The following DNAH6 variants were observed in gnomAD, a reference collection of about 807,000 sequenced individuals.
DNAH6 encodes axonemal beta dynein heavy chain 6.
Under a neutral mutation model 491.4 loss-of-function variants are expected in DNAH6, and 340 were observed. The observed-to-expected ratio is 0.69, with a 90% CI of 0.63 to 0.76. The LOEUF (loss-of-function observed/expected upper bound fraction) is 0.76, where lower values mean the gene tolerates loss of function less well. Among genes scored for constraint, DNAH6 ranks in the 30% least tolerant of loss-of-function variants. The pLI is 0.00. For synonymous variants in DNAH6, 1,603 were observed against 1,686.1 expected, an observed-to-expected ratio of 0.95 and a Z score of 1.21; for missense variants, 4,443 against 4,972.2, an observed-to-expected ratio of 0.89 and a Z score of 3.20.
chr2:84,689,023 A>G (rs185392842), intron 45 of DNAH6, among the ~76,000 whole-genome samples: 95 of 152,306 alleles, frequency 6.2e-4, no homozygotes, highest in African/African-American at 2.1e-3. Context: ...CAAGTGTCCT[A>G]TGAGGGACAA....
the DNAH6 span, among the ~76,000 whole-genome samples, chr2:84,462,477 A>T: frequency 6.6e-6 from 1 of 152,220 alleles, no homozygotes; most frequent in Non-Finnish European, 1.5e-5. Flanking sequence ...TCACGAGTGC[A>T]TCCTTAACCT....
In DNAH6 at chr2:84,685,392, A is replaced by C; in HGVS notation, c.6983A>C (p.Glu2328Ala). The C allele has an allele frequency of 1.3e-6, 2 of 1,531,608 alleles. No homozygotes were observed. Among genetic ancestry groups the C allele is most frequent in the Non-Finnish European group, 1.8e-6 (2 of 1,133,872 alleles). The allele number at this position is 1,531,608 out of a possible 1,614,324, so 94.9% of individuals were successfully genotyped here. A position where few individuals can be genotyped will look rare whatever the true frequency, so the allele number is the denominator to read the frequency against. Reference protein sequence around the residue: ...EIQIFRLFCHECQRVFHDRLI... With the variant: ...EIQIFRLFCHACQRVFHDRLI... ...CAGATATTTAGACTCTTTTGCCATG[A>C]GTGCCAAAGGGTCTTCCATGATCGC... The change falls in exon 43 of 77, where the codon GAG becomes GCG. Residue 2328 changes from glutamate (E) to alanine (A), a missense_variant. Glu to Ala is a moderately radical substitution (Grantham distance 107, BLOSUM62 -1). Transcript: ENST00000389394.
At chr2:84,482,560 C>T in the DNAH6 span, among the ~76,000 whole-genome samples, 1 of 152,216 alleles carries the variant, frequency 6.6e-6, no homozygotes, top group Non-Finnish European at 1.5e-5. Flanking sequence ...CTTCCTGCAG[C>T]CTTAAGACAG....
chr2:84,600,831 G>T (rs368406971), intron 18 of DNAH6, among the ~76,000 whole-genome samples: 1 of 151,502 alleles, frequency 6.6e-6, no homozygotes, highest in African/African-American at 2.4e-5. Context: ...AAGTTACTAC[G>T]CACAGCCATA....
the DNAH6 span, among the ~76,000 whole-genome samples, chr2:84,509,598 T>G: frequency 6.6e-6 from 1 of 152,244 alleles, no homozygotes; most frequent in Admixed American, 6.5e-5. Context: ...TTGTTATGTG[T>G]GAATTTGATC....
intron 11 of DNAH6, among the ~76,000 whole-genome samples, chr2:84,572,219 T>G (rs1681967922): frequency 6.6e-6 from 1 of 152,158 alleles, no homozygotes; most frequent in South Asian, 2.1e-4. Context: ...TCCCAAATGG[T>G]TCAGAGTATA....
chr2:84,479,970 G>A, the DNAH6 span, among the ~76,000 whole-genome samples: 1 of 152,212 alleles, frequency 6.6e-6, no homozygotes, highest in Non-Finnish European at 1.5e-5. Context: ...ATTAGTGAGA[G>A]TGCTGGGCTT....
At chr2:84,817,021 T>G (rs866866692) in intron 76 of DNAH6, among the ~76,000 whole-genome samples, 2 of 152,224 alleles carry the variant, frequency 1.3e-5, no homozygotes, top group Middle Eastern at 3.4e-3. Flanking sequence ...AGAGAGAATG[T>G]TTGAAAAAAT....
intron 35 of DNAH6, among the ~76,000 whole-genome samples, chr2:84,657,484 G>T (rs966055694): frequency 3.3e-5 from 5 of 151,894 alleles, no homozygotes; most frequent in Non-Finnish European, 7.4e-5. Context: ...CATTTATTTA[G>T]TAGTTCTTTA....
rs115509711 is a variant in DNAH6 at position 84,527,118 on chromosome 2, A to G, written c.399+1380A>G. Among the ~76,000 whole-genome samples, 83 of 152,282 alleles carry G rather than the reference A, an allele frequency of 5.5e-4. 1 individual carries two copies. Among genetic ancestry groups the G allele is most frequent in the Non-Finnish European group, 9.0e-4 (61 of 68,014 alleles). ...ATTGATTTATCTGAATGAGTTTCAA[A>G]TAGAAATGCAACAAGGAGGATTTCC... On this transcript the variant is annotated intron_variant, in intron 3 of 76. Transcript: ENST00000389394.
the DNAH6 span, among the ~76,000 whole-genome samples, chr2:84,500,426 A>G: frequency 6.6e-6 from 1 of 152,188 alleles, no homozygotes; most frequent in Non-Finnish European, 1.5e-5. Context: ...TGTTATGGTT[A>G]CTATAGCTCT....
At chr2:84,476,046 G>A in the DNAH6 span, among the ~76,000 whole-genome samples, 64 of 152,258 alleles carry the variant, frequency 4.2e-4, no homozygotes, top group African/African-American at 1.4e-3. Flanking sequence ...TTTGAGCTTC[G>A]TCAGCCCACC....
chr2:84,729,802 AT>A lies in DNAH6; in HGVS notation c.10206+1901del, dbSNP rs201461675. Among the ~76,000 whole-genome samples the A allele has an allele frequency of 9.9e-3, 1,512 of 152,290 alleles. 25 individuals carry two copies. Among genetic ancestry groups the A allele is most frequent in the African/African-American group, 0.034 (1,417 of 41,554 alleles). On this transcript the variant is annotated intron_variant, in intron 61 of 76. Coordinates refer to ENST00000389394, the MANE Select transcript of DNAH6 (RefSeq NM_001370.2). ...GAAATGTATTTGGGGTGTATTTTAT[AT>A]GGTCACTTCATTTAATATTTTGACA...
chr2:84,646,960 G>C (rs1014119281), intron 33 of DNAH6, among the ~76,000 whole-genome samples: 1 of 152,146 alleles, frequency 6.6e-6, no homozygotes, highest in African/African-American at 2.4e-5. Context: ...CAATTCTCCT[G>C]CCTCAGCCTC....
At position 84,802,511 on chromosome 2, in the gene DNAH6, A is replaced by G. The variant is rs577543463; in HGVS notation, c.11482-3154A>G. ...CAATTCAAGAAGATTTGATGATCCT[A>G]AATATATATGCTCCCAACATTGGAG... On this transcript the variant is annotated intron_variant, in intron 70 of 76. Transcript: ENST00000389394. 2.6e-5 allele frequency among the ~76,000 whole-genome samples: 4 copies of G among 152,350 alleles called. No individual in the cohort carries two copies. In the East Asian group the frequency reaches 5.8e-4, roughly 22 times the overall value.
At chr2:84,732,398 C>T (rs1699198622) in intron 61 of DNAH6, among the ~76,000 whole-genome samples, 1 of 152,086 alleles carries the variant, frequency 6.6e-6, no homozygotes, top group African/African-American at 2.4e-5. Flanking sequence ...AGTCCATCAA[C>T]TGATAGATAA....
intron 18 of DNAH6, among the ~76,000 whole-genome samples, chr2:84,596,054 AG>A (rs1430559534): frequency 1.3e-5 from 2 of 152,196 alleles, no homozygotes; most frequent in African/African-American, 4.8e-5. Context: ...AATAGGTTGT[AG>A]TTATGCTAAG....
At chr2:84,533,312 C>A (rs971017386) in intron 4 of DNAH6, among the ~76,000 whole-genome samples, 1 of 151,950 alleles carries the variant, frequency 6.6e-6, no homozygotes, top group Non-Finnish European at 1.5e-5. Context: ...GATTTTATTT[C>A]AATCATGAAA....
chr2:84,728,337 C>T (rs1698832789), intron 61 of DNAH6, among the ~76,000 whole-genome samples: 1 of 152,248 alleles, frequency 6.6e-6, no homozygotes, highest in Non-Finnish European at 1.5e-5. Context: ...CCACAAGCAC[C>T]TACCAGTGCT....
Sources: allele counts gnomAD v4.1 joint callset (sites outside exome capture counted in the v4.1 genomes callset), GRCh38; gene constraint gnomAD v4.1.1; transcripts MANE v1.5; gene names NCBI Gene and HGNC (gene_info 2026-07-23, HGNC 2026-07-21).